Variants in ATXN1 observed in about 807,000 individuals in gnomAD.
The protein encoded by ATXN1 is ataxin-1.
ATXN1 carries 8 observed loss-of-function variants against 56.4 expected under a neutral mutation model. The ratio of observed to expected loss-of-function variants is 0.14; its 90% CI spans 0.08 to 0.26. ATXN1 has a LOEUF of 0.26. Ranked by LOEUF, ATXN1 falls within the 10% of genes least tolerant of loss-of-function variation. The pLI, the probability that ATXN1 is intolerant of heterozygous loss-of-function variation, is 1.00. For synonymous variants in ATXN1, 514 were observed against 494.6 expected, an observed-to-expected ratio of 1.04 and a Z score of -0.52; for missense variants, 987 against 1,106.5, an observed-to-expected ratio of 0.89 and a Z score of 1.53.
At chr6:16,699,711 G>T (rs747548904) in intron 2 of ATXN1, among the ~76,000 whole-genome samples, 1 of 152,150 alleles carries the variant, frequency 6.6e-6, no homozygotes, top group Non-Finnish European at 1.5e-5. Flanking sequence ...TTTTATTAAC[G>T]TAAGACCTCA....
At chr6:16,472,074 C>T (rs1236767694) in intron 6 of ATXN1, among the ~76,000 whole-genome samples, 2 of 152,108 alleles carry the variant, frequency 1.3e-5, no homozygotes, top group East Asian at 1.9e-4. Flanking sequence ...ATGGTTACAG[C>T]GCTTAAGGTA....
intron 2 of ATXN1, among the ~76,000 whole-genome samples, chr6:16,662,172 G>A (rs1476275083): frequency 2.6e-5 from 4 of 152,162 alleles, no homozygotes; most frequent in African/African-American, 9.7e-5. Context: ...CAGGCCATCT[G>A]ACTCCAGAAA....
At chr6:16,576,874 T>C (rs561918333) in intron 4 of ATXN1, among the ~76,000 whole-genome samples, 6 of 152,074 alleles carry the variant, frequency 3.9e-5, no homozygotes, top group African/African-American at 9.7e-5. Context: ...TAAAGGCCAG[T>C]TGACTTCCTT....
intron 2 of ATXN1, among the ~76,000 whole-genome samples, chr6:16,714,421 A>C (rs989353282): frequency 1.3e-4 from 20 of 152,176 alleles, no homozygotes; most frequent in Non-Finnish European, 2.6e-4. Flanking sequence ...AAGTCCCCTG[A>C]AGCTTTTCCA....
chr6:16,356,209 C>T (rs1473096798), intron 6 of ATXN1, among the ~76,000 whole-genome samples: 1 of 152,188 alleles, frequency 6.6e-6, no homozygotes, highest in Non-Finnish European at 1.5e-5. Context: ...TTCCTGCCCA[C>T]GGCACTCTTT....
intron 5 of ATXN1, among the ~76,000 whole-genome samples, chr6:16,517,534 A>G (rs902816645): frequency 5.3e-5 from 8 of 152,242 alleles, no homozygotes; most frequent in Non-Finnish European, 1.2e-4. Flanking sequence ...ATTATCATAT[A>G]CTGAGCACCT....
chr6:16,325,776 G>A (rs1760789023), intron 7 of ATXN1, among the ~76,000 whole-genome samples: 1 of 152,098 alleles, frequency 6.6e-6, no homozygotes, highest in Admixed American at 6.5e-5. Context: ...ATATATGTTG[G>A]AGACCGGGCC....
chr6:16,511,690 C>T (rs1226834950), intron 5 of ATXN1, among the ~76,000 whole-genome samples: 1 of 152,178 alleles, frequency 6.6e-6, no homozygotes, highest in Non-Finnish European at 1.5e-5. Flanking sequence ...TCAAGACCAG[C>T]CATGTCTCCA....
chr6:16,713,017 A>G (rs1759559598), intron 2 of ATXN1, among the ~76,000 whole-genome samples: 1 of 152,234 alleles, frequency 6.6e-6, no homozygotes, highest in African/African-American at 2.4e-5. Context: ...AAGACAAGCA[A>G]GAGATGACTC....
intron 6 of ATXN1, among the ~76,000 whole-genome samples, chr6:16,391,161 C>CAAAAAAAAAA (rs35472967): frequency 1.8e-5 from 1 of 56,394 alleles, no homozygotes; most frequent in Admixed American, 2.2e-4. Context: ...GACTCCATCT[C>CAAAAAAAAAA]AAAAAAAAAA....
At chr6:16,526,765 CAA>C (rs34515868) in intron 4 of ATXN1, among the ~76,000 whole-genome samples, 6 of 116,548 alleles carry the variant, frequency 5.1e-5, no homozygotes, top group Admixed American at 8.8e-5. Flanking sequence ...AACTTCATCT[CAA>C]AAAAAAAAAA....
rs145343887 is a variant in ATXN1 at position 16,600,502 on chromosome 6, A to T, written c.-488-14595T>A. Among the ~76,000 whole-genome samples the T allele has an allele frequency of 6.9e-3, 1,054 of 152,328 alleles. 8 individuals carry two copies. The highest frequency in any genetic ancestry group is 0.02 in the African/African-American group (840 of 41,570). On this transcript the variant is annotated intron_variant, in intron 3 of 7. Coordinates refer to ENST00000436367, the MANE Select transcript of ATXN1 (RefSeq NM_001128164.2). The stretch of plus-strand genomic sequence containing the variant: ...CAGCGTATAATAAATGGGTAGCCTA[A>T]AAGGAATGCTTTGAACAGAATGCTT...
chr6:16,327,375 G>T lies in ATXN1; in HGVS notation c.936C>A (p.Ser312Arg). 1 of 1,613,588 alleles carries T rather than the reference G, an allele frequency of 6.2e-7. No individual in the cohort carries two copies. ...TGGCCTGGATGGCCTGCTGCAGCCG[G>T]CTGCTCTCAGCTTTCTTGGTGGCCT... ...PREATKKAES[S>R]RLQQAIQAKE... Residue 312 changes from serine (S) to arginine (R), a missense_variant, in exon 7 of 8, where the codon AGC becomes AGA. Around this residue, in one of 3 missense-constraint regions of ATXN1, gnomAD observed 723 missense variants for 791.7 expected, o/e 0.91. Transcript: ENST00000436367.
chr6:16,685,169 A>G (rs1429214459), intron 2 of ATXN1, among the ~76,000 whole-genome samples: 1 of 152,220 alleles, frequency 6.6e-6, no homozygotes, highest in African/African-American at 2.4e-5. Context: ...AGTGTATTGT[A>G]AATTTTTGCC....
intron 6 of ATXN1, among the ~76,000 whole-genome samples, chr6:16,423,228 G>T (rs1390274394): frequency 6.6e-6 from 1 of 152,152 alleles, no homozygotes; most frequent in Non-Finnish European, 1.5e-5. Flanking sequence ...TGTTTTTCAT[G>T]ATTTCACTTT....
chr6:16,594,389 T>A (rs1762777766), intron 3 of ATXN1, among the ~76,000 whole-genome samples: 1 of 152,012 alleles, frequency 6.6e-6, no homozygotes, highest in Non-Finnish European at 1.5e-5. Context: ...CCACCATTTT[T>A]TAAAACTGAT....
chr6:16,321,247 CG>C (rs1399666384), intron 7 of ATXN1, among the ~76,000 whole-genome samples: 2 of 152,032 alleles, frequency 1.3e-5, no homozygotes, highest in Non-Finnish European at 2.9e-5. Context: ...GCTATCGCCT[CG>C]GGGGTCGCAT....
intron 6 of ATXN1, among the ~76,000 whole-genome samples, chr6:16,467,220 T>TA (rs916086636): frequency 7.9e-5 from 12 of 152,204 alleles, no homozygotes; most frequent in African/African-American, 2.4e-4. Context: ...TTAGTCTATT[T>TA]AAAAAAATGT....
chr6:16,735,388 T>G (rs1326860608), intron 2 of ATXN1, among the ~76,000 whole-genome samples: 6 of 152,202 alleles, frequency 3.9e-5, no homozygotes, highest in Non-Finnish European at 7.3e-5. Flanking sequence ...AAATAAATAT[T>G]TATTAACAAT....
Sources: allele counts gnomAD v4.1 joint callset (sites outside exome capture counted in the v4.1 genomes callset), GRCh38; gene constraint gnomAD v4.1.1; regional missense constraint gnomAD v4.1.1; transcripts MANE v1.5; gene names NCBI Gene and HGNC (gene_info 2026-07-23, HGNC 2026-07-21).